The following PDE11A variants were observed in gnomAD, a reference collection of about 807,000 sequenced individuals.
PDE11A encodes the protein phosphodiesterase 11A, also known as dual 3',5'-cyclic-AMP and -GMP phosphodiesterase 11A.
Under a neutral mutation model 100.5 loss-of-function variants are expected in PDE11A, and 100 were observed. The ratio of observed to expected loss-of-function variants is 1.00; its 90% CI spans 0.85 to 1.18. PDE11A has a LOEUF of 1.18. Ranked by LOEUF, PDE11A falls within the 50% of genes most tolerant of loss-of-function variation. PDE11A has a pLI of 0.00. For synonymous variants in PDE11A, 381 were observed against 420.8 expected (o/e 0.91, Z 1.16); for missense variants, 1,141 against 1,152.6 (o/e 0.99, Z 0.15).
At chr2:178,074,207 T>C (rs2105875043), upstream of PDE11A, among the ~76,000 whole-genome samples, 1 of 152,096 alleles carries the variant, frequency 6.6e-6, no homozygotes, top group South Asian at 2.1e-4. Context: ...GATTACTTTC[T>C]AGATGGAGAG....
At chr2:177,780,022 AG>A (rs776171685) in intron 9 of PDE11A, among the ~76,000 whole-genome samples, 5 of 152,222 alleles carry the variant, frequency 3.3e-5, no homozygotes, top group Non-Finnish European at 5.9e-5. Flanking sequence ...CTGTATTAGC[AG>A]GCATGAAAAC....
intron 3 of PDE11A, among the ~76,000 whole-genome samples, chr2:177,900,275 A>T (rs1216811542): frequency 6.6e-6 from 1 of 152,226 alleles, no homozygotes; most frequent in Non-Finnish European, 1.5e-5. Context: ...GAATGTAGAA[A>T]GAGGTGCAAT....
chr2:177,942,825 T>C (rs2085360808), intron 2 of PDE11A, among the ~76,000 whole-genome samples: 1 of 152,190 alleles, frequency 6.6e-6, no homozygotes, highest in South Asian at 2.1e-4. Flanking sequence ...TTTAGAACTT[T>C]TATCTCTTGC....
In PDE11A at chr2:177,707,212, T is replaced by C. The variant is rs1364854697; in HGVS notation, c.2153+4557A>G. On this transcript the variant is annotated intron_variant, in intron 13 of 19. Coordinates refer to ENST00000286063, the MANE Select transcript of PDE11A (RefSeq NM_016953.4). ...TACCTTCCTGAGGCTCAGTTCCTCC[T>C]GTAAAATGGAGACAAGAATATCAAC... Among the ~76,000 whole-genome samples, 3 of 152,332 alleles carry C rather than the reference T, an allele frequency of 2.0e-5. No individual in the cohort carries two copies. The East Asian group carries it at 5.8e-4, about 29-fold the overall frequency.
chr2:177,664,786 A>G (rs1249151843), intron 18 of PDE11A, among the ~76,000 whole-genome samples: 6 of 152,174 alleles, frequency 3.9e-5, no homozygotes, highest in Non-Finnish European at 8.8e-5. Context: ...AGACTGGGCT[A>G]TCTAGTTATA....
At chr2:177,737,893 T>G (rs922274794) in intron 10 of PDE11A, among the ~76,000 whole-genome samples, 2 of 152,346 alleles carry the variant, frequency 1.3e-5, no homozygotes, top group African/African-American at 4.8e-5. Flanking sequence ...AACTGGCACA[T>G]GGGAGAAACT....
At chr2:177,734,223 A>G (rs2081738829) in intron 10 of PDE11A, among the ~76,000 whole-genome samples, 1 of 152,282 alleles carries the variant, frequency 6.6e-6, no homozygotes, top group South Asian at 2.1e-4. Flanking sequence ...TTCAGAGCTG[A>G]CTTTGGAATG....
intron 9 of PDE11A, among the ~76,000 whole-genome samples, chr2:177,801,111 G>A (rs1012768548): frequency 6.6e-6 from 1 of 152,200 alleles, no homozygotes. Context: ...GGCAAAATAT[G>A]TTTGAATGAA....
At chr2:177,959,239 G>A (rs1217134465) in intron 2 of PDE11A, among the ~76,000 whole-genome samples, 1 of 152,120 alleles carries the variant, frequency 6.6e-6, no homozygotes, top group Non-Finnish European at 1.5e-5. Context: ...CCCTATGGCT[G>A]GAGAGTATTG....
At chr2:177,952,828 T>G (rs993077542) in intron 2 of PDE11A, among the ~76,000 whole-genome samples, 3 of 152,198 alleles carry the variant, frequency 2.0e-5, no homozygotes, top group Non-Finnish European at 2.9e-5. Context: ...TTATAGTTAT[T>G]AGTTTTCTAT....
chr2:177,644,239 T>C (rs1252806787), intron 19 of PDE11A, among the ~76,000 whole-genome samples: 2 of 152,212 alleles, frequency 1.3e-5, no homozygotes, highest in East Asian at 1.9e-4. Context: ...TGCCAGCCCA[T>C]GAAAATAGCT....
chr2:177,695,805 C>A (rs1401618841), intron 15 of PDE11A, among the ~76,000 whole-genome samples: 2 of 152,150 alleles, frequency 1.3e-5, no homozygotes, highest in African/African-American at 4.8e-5. Flanking sequence ...GTGTCTTAAG[C>A]TTTGAACATC....
At chr2:178,038,222 T>C (rs2086641389) in intron 1 of PDE11A, among the ~76,000 whole-genome samples, 2 of 152,128 alleles carry the variant, frequency 1.3e-5, no homozygotes, top group Non-Finnish European at 2.9e-5. Flanking sequence ...AATCAAGATA[T>C]GAATATAACT....
At chr2:177,984,719 C>A (rs975973882) in intron 2 of PDE11A, among the ~76,000 whole-genome samples, 9 of 152,300 alleles carry the variant, frequency 5.9e-5, no homozygotes, top group African/African-American at 2.2e-4. Flanking sequence ...AAAAAACCCC[C>A]ATGAGATTAG....
chr2:178,069,662 A>C (rs1002771100), intron 1 of PDE11A, among the ~76,000 whole-genome samples: 25 of 152,178 alleles, frequency 1.6e-4, no homozygotes, highest in Admixed American at 1.6e-3. Context: ...CACTCTGCAG[A>C]GTAAGGGTAG....
intron 10 of PDE11A, among the ~76,000 whole-genome samples, chr2:177,736,510 TAAAAGAAAAAA>T (rs929934363): frequency 6.4e-5 from 9 of 141,296 alleles, no homozygotes; most frequent in Admixed American, 2.8e-4. Flanking sequence ...AGACTCCATC[TAAAAGAAAAAA>T]AAAAGAAAAA....
chr2:178,045,084 A>G (rs1236221410), intron 1 of PDE11A, among the ~76,000 whole-genome samples: 1 of 152,156 alleles, frequency 6.6e-6, no homozygotes, highest in Non-Finnish European at 1.5e-5. Flanking sequence ...CACAATAAAG[A>G]GAAATGTGCA....
intron 1 of PDE11A, among the ~76,000 whole-genome samples, chr2:178,052,682 A>G (rs1170204069): frequency 6.6e-6 from 1 of 152,226 alleles, no homozygotes; most frequent in Non-Finnish European, 1.5e-5. Flanking sequence ...TAAAGGGGAT[A>G]TCACCACCAA....
At chr2:177,945,532 G>A (rs1176026016) in intron 2 of PDE11A, among the ~76,000 whole-genome samples, 2 of 149,168 alleles carry the variant, frequency 1.3e-5, no homozygotes, top group Non-Finnish European at 3.0e-5. Context: ...GAGGTGAGGA[G>A]GGTCTCTGCC....
Sources: gnomAD v4.1 joint callset for allele counts (sites outside exome capture counted in the v4.1 genomes callset) on GRCh38, gnomAD v4.1.1 for gene constraint, MANE v1.5 for transcripts, NCBI Gene and HGNC (gene_info 2026-07-23, HGNC 2026-07-21) for gene names.